Variants in ZDHHC15 observed in about 807,000 individuals in gnomAD.
The protein encoded by ZDHHC15 is zDHHC palmitoyltransferase 15.
In ZDHHC15, 19 loss-of-function variants were observed where a neutral mutation model predicts 31.7. That is an observed-to-expected ratio of 0.60 (90% CI 0.42 to 0.88). ZDHHC15 has a LOEUF of 0.88. Among genes scored for constraint, ZDHHC15 ranks in the 40% least tolerant of loss-of-function variants. The pLI, the probability that ZDHHC15 is intolerant of heterozygous loss-of-function variation, is 0.00. For synonymous variants in ZDHHC15, 103 were observed against 90.0 expected (o/e 1.14, Z -0.82); for missense variants, 209 against 251.2 (o/e 0.83, Z 1.14).
intron 3 of ZDHHC15, among the ~76,000 whole-genome samples, chrX:75,457,908 C>T (rs933445090): frequency 9.0e-6 from 1 of 111,284 alleles, no homozygotes; most frequent in Non-Finnish European, 1.9e-5. Flanking sequence ...TATGCAAATA[C>T]CATGCCATTT....
chrX:75,433,055 C>G (rs1384399602), intron 4 of ZDHHC15, among the ~76,000 whole-genome samples: 1 of 111,661 alleles, frequency 9.0e-6, no homozygotes, highest in African/African-American at 3.3e-5. Context: ...ATTTCCAACA[C>G]CTTCAGAATA....
At chrX:75,429,286 C>T (rs2083749738) in intron 6 of ZDHHC15, 88 bp from the exon 7 acceptor site, 1 of 1,024,652 alleles carries the variant, frequency 9.8e-7, no homozygotes, top group Admixed American at 3.2e-5. Context: ...TGGAATAATG[C>T]TAGTTCTGCT....
Position 75,386,736 on chromosome X carries a change from C to T in ZDHHC15, c.968-7538G>A, listed in dbSNP as rs147723466. ...AAGCAGTCTGCCAGCCTCAGTCTCC[C>T]ACAGTGCTGGGATTACAGGCATGAG... On this transcript the variant is annotated intron_variant, in intron 10 of 11. Transcript: ENST00000373367. Among the ~76,000 whole-genome samples, 661 of 111,920 alleles carry T rather than the reference C, an allele frequency of 5.9e-3. 5 individuals are homozygous for T. Among genetic ancestry groups the T allele is most frequent in the African/African-American group, 0.021 (642 of 30,780 alleles).
intron 2 of ZDHHC15, among the ~76,000 whole-genome samples, 200 bp from the exon 3 acceptor site, chrX:75,479,185 C>A (rs1222186957): frequency 2.7e-5 from 3 of 111,614 alleles, no homozygotes; most frequent in Non-Finnish European, 5.6e-5. Flanking sequence ...AGACATTCTG[C>A]AAGTTGCACA....
chrX:75,400,561 G>T (rs777261993), intron 10 of ZDHHC15, among the ~76,000 whole-genome samples: 1 of 112,050 alleles, frequency 8.9e-6, no homozygotes, highest in South Asian at 3.7e-4. Context: ...ATACATTTCA[G>T]GATATTGTCC....
At chrX:75,413,419 G>A (rs2083507850) in intron 10 of ZDHHC15, among the ~76,000 whole-genome samples, 1 of 111,608 alleles carries the variant, frequency 9.0e-6, no homozygotes, top group East Asian at 2.8e-4. Context: ...TTGGAAAATG[G>A]CAGAGCCTTT....
At chrX:75,457,856 C>G (rs971900480) in intron 3 of ZDHHC15, among the ~76,000 whole-genome samples, 16 of 111,499 alleles carry the variant, frequency 1.4e-4, no homozygotes, top group African/African-American at 4.6e-4. Flanking sequence ...TGTAAATAAT[C>G]TAGAGATGAT....
At chrX:75,435,847 T>G (rs747970518) in intron 4 of ZDHHC15, among the ~76,000 whole-genome samples, 1 of 112,258 alleles carries the variant, frequency 8.9e-6, no homozygotes, top group East Asian at 2.8e-4. Context: ...TAGGGTAATA[T>G]TGGCTTCATA....
chrX:75,451,027 T>C, intron 3 of ZDHHC15, 105 bp from the exon 4 acceptor site: 16 of 956,350 alleles, frequency 1.7e-5, no homozygotes, highest in Non-Finnish European at 2.2e-5. Context: ...TACCTACCCT[T>C]GAAGCTCAGG....
At chrX:75,495,198 A>C (rs755944945) in intron 2 of ZDHHC15, among the ~76,000 whole-genome samples, 1 of 112,369 alleles carries the variant, frequency 8.9e-6, no homozygotes, top group African/African-American at 3.2e-5. Context: ...CATCACTGGC[A>C]TTCAGAGAAA....
intron 2 of ZDHHC15, among the ~76,000 whole-genome samples, chrX:75,483,081 GTATA>G (rs4019298): frequency 1.7e-4 from 17 of 97,388 alleles, no homozygotes; most frequent in South Asian, 4.6e-4. Context: ...ATGTGTATGT[GTATA>G]TATATATATA....
chrX:75,401,943 C>T (rs1031917610), intron 10 of ZDHHC15, among the ~76,000 whole-genome samples: 4 of 112,486 alleles, frequency 3.6e-5, no homozygotes, highest in Admixed American at 1.9e-4. Context: ...ATAAATTCTT[C>T]TCATTGCCAC....
intron 2 of ZDHHC15, among the ~76,000 whole-genome samples, chrX:75,482,477 G>C (rs2084706569): frequency 1.8e-5 from 2 of 111,269 alleles, no homozygotes; most frequent in Non-Finnish European, 3.8e-5. Context: ...CACTTCAAAA[G>C]TTAGGGTTGT....
intron 2 of ZDHHC15, among the ~76,000 whole-genome samples, chrX:75,494,226 G>T (rs1301309195): frequency 9.0e-6 from 1 of 111,148 alleles, no homozygotes; most frequent in African/African-American, 3.3e-5. Flanking sequence ...CAAGTTACAA[G>T]GGACGTGAAG....
intron 3 of ZDHHC15, 84 bp from the exon 4 acceptor site, chrX:75,451,006 A>C (rs758422065): frequency 1.8e-4 from 192 of 1,064,447 alleles, no homozygotes; most frequent in Non-Finnish European, 2.2e-4. Flanking sequence ...TACTTTAATG[A>C]AATTATTTGT....
At chrX:75,384,494 A>G (rs2083158650) in intron 10 of ZDHHC15, 1 of 724,996 alleles carries the variant, frequency 1.4e-6, no homozygotes, top group Non-Finnish European at 2.2e-6. Context: ...ACTGTTCAAA[A>G]AGGAATGCCC....
intron 10 of ZDHHC15, among the ~76,000 whole-genome samples, chrX:75,410,069 C>T (rs1368752646): frequency 5.4e-5 from 6 of 111,019 alleles, no homozygotes; most frequent in African/African-American, 2.0e-4. Flanking sequence ...TATCTCTCTC[C>T]GTATACAAAA....
At chrX:75,480,478 GT>G (rs901737810) in intron 2 of ZDHHC15, among the ~76,000 whole-genome samples, 6 of 110,940 alleles carry the variant, frequency 5.4e-5, no homozygotes, top group African/African-American at 2.0e-4. Context: ...ATATTTATAA[GT>G]TTTAAAATCT....
chrX:75,496,856 G>GA (rs1238774916), intron 2 of ZDHHC15, among the ~76,000 whole-genome samples: 1 of 110,992 alleles, frequency 9.0e-6, no homozygotes, highest in Non-Finnish European at 1.9e-5. Context: ...GTGCTAAGAA[G>GA]AAAGTTTGTA....
Sources: allele counts gnomAD v4.1 joint callset (sites outside exome capture counted in the v4.1 genomes callset), GRCh38; gene constraint gnomAD v4.1.1; transcripts MANE v1.5; gene names NCBI Gene and HGNC (gene_info 2026-07-23, HGNC 2026-07-21).